Variants in JAK3 observed in about 807,000 individuals in gnomAD.
JAK3 encodes Janus kinase 3.
Under a neutral mutation model 120.8 loss-of-function variants are expected in JAK3, and 88 were observed. The observed-to-expected ratio is 0.73, with a 90% CI of 0.61 to 0.87. JAK3 has a LOEUF of 0.87. Among genes scored for constraint, JAK3 ranks in the 40% least tolerant of loss-of-function variants. JAK3 has a pLI of 0.00. For missense variants in JAK3, 1,254 were observed against 1,501.4 expected (o/e 0.84, Z 2.72); for synonymous variants, 592 against 628.6 (o/e 0.94, Z 0.87).
Position 17,837,974 on chromosome 19 carries a change from C to T in JAK3, c.1659G>A (p.Val553=), listed in dbSNP as rs892899268. The T allele has an allele frequency of 1.2e-6, 2 of 1,614,064 alleles. No individual in the cohort carries two copies. The highest frequency in any genetic ancestry group is 1.7e-5 in the Admixed American group (1 of 59,994). ...GCTTGGCATCCATGACCTTCAGCAG[C>T]ACCTCTGTCTTTCGGGCCTCCCCAT... is the stretch of plus-strand genomic sequence containing the variant. The part of the protein sequence containing the change: ...VVDGEARKTE[V]LLKVMDAKHK... The change falls in exon 12 of 24, where the codon GTG becomes GTA. Residue 553 remains valine (V), a synonymous_variant. Transcript: ENST00000458235.
Position 17,842,277 on chromosome 19 carries a change from C to T in JAK3, c.861+39G>A. ...CTCCGGCCCCTCCCCGAGCCCCGCC[C>T]CCACGTTGGCCCCGCCCAGCGGGGG... On this transcript the variant is annotated intron_variant, in intron 6 of 23. Coordinates refer to ENST00000458235, the MANE Select transcript of JAK3 (RefSeq NM_000215.4). The surrounding 1 kb of genome is among the most constrained non-coding windows in gnomAD (Gnocchi z 6.4). 1 of 1,499,664 alleles carries T rather than the reference C, an allele frequency of 6.7e-7. No individual in the cohort carries two copies. The highest frequency in any genetic ancestry group is 1.3e-5 in the South Asian group (1 of 76,394). The allele number at this position is 1,499,664 out of a possible 1,614,324, so 92.9% of individuals were successfully genotyped here.
intron 16 of JAK3, 35 bp downstream of exon 16, chr19:17,834,817 G>C (rs1460790413): frequency 6.2e-7 from 1 of 1,613,676 alleles, no homozygotes; most frequent in East Asian, 2.2e-5. Context: ...TCAAAGTGGG[G>C]GTTCGGAGAC....
At position 17,846,774 on chromosome 19, in the gene JAK3, G is replaced by A. The variant is rs553135003; in HGVS notation, c.-14+1172C>T. Among the ~76,000 whole-genome samples, 5 of 152,188 alleles carry A rather than the reference G, an allele frequency of 3.3e-5. No individual in the cohort carries two copies. The East Asian group carries it at 9.7e-4, about 29-fold the overall frequency. On this transcript the variant is annotated intron_variant, in intron 1 of 23. Coordinates refer to ENST00000458235, the MANE Select transcript of JAK3 (RefSeq NM_000215.4). ...TAATTTTTGTATTTTTAGTAGAGACGGAGTTTCACCATGTTGGCCAGGCTG... is the reference window on the plus strand; with the variant it reads ...TAATTTTTGTATTTTTAGTAGAGACAGAGTTTCACCATGTTGGCCAGGCTG...
rs1290770952 is a variant in JAK3 at position 17,835,164 on chromosome 19, C to T, written c.1966G>A (p.Ala656Thr). The change falls in exon 15 of 24, where the codon GCT becomes ACT. Residue 656 changes from alanine to threonine, a missense_variant. Ala to Thr is a moderately conservative substitution (Grantham distance 58, BLOSUM62 0). This residue lies in a region of JAK3 where 630 missense variants were observed against 819.8 expected (regional missense o/e 0.77). Transcript: ENST00000458235. ...GNVSARKVLLAREGADGSPPF... is the reference protein window; with the variant it reads ...GNVSARKVLLTREGADGSPPF... Reference sequence around the variant, plus strand: ...GGGCTCCCATCAGCCCCCTCCCGAGCCAGGAGCACCTTCCGGGCAGAGACA... The same window carrying T: ...GGGCTCCCATCAGCCCCCTCCCGAGTCAGGAGCACCTTCCGGGCAGAGACA... 6.2e-7 allele frequency: 1 copy of T among 1,614,242 alleles called. No homozygotes were observed. Among genetic ancestry groups the T allele is most frequent in the Admixed American group, 1.7e-5 (1 of 60,032 alleles).
intron 17 of JAK3, among the ~76,000 whole-genome samples, chr19:17,833,989 G>A (rs917958959): frequency 6.6e-5 from 10 of 152,060 alleles, no homozygotes; most frequent in Admixed American, 4.6e-4. Context: ...GGGCTCAAGC[G>A]ATCCACCTAC....
chr19:17,838,269 C>T lies in JAK3; in HGVS notation c.1563G>A (p.Leu521=), dbSNP rs924907305. 6.2e-7 allele frequency: 1 copy of T among 1,614,128 alleles called. No homozygotes were observed. The highest frequency in any genetic ancestry group is 8.5e-7 in the Non-Finnish European group (1 of 1,180,040). ...MTFHKIPADS[L]EWHENLGHGS... is the part of the protein sequence containing the mutation. Reference sequence around the variant, plus strand: ...ATTTCCCAGGGCCTCTTACCCACTCCAGGCTGTCAGCAGGGATCTTGTGAA... The same window carrying T: ...ATTTCCCAGGGCCTCTTACCCACTCTAGGCTGTCAGCAGGGATCTTGTGAA... The change falls in exon 11 of 24, where the codon CTG becomes CTA. Residue 521 remains leucine, a synonymous_variant. Coordinates refer to ENST00000458235, the MANE Select transcript of JAK3 (RefSeq NM_000215.4).
rs929472774 is a variant in JAK3, at chr19:17,832,339, G to C, written c.2680+180C>G. Among the ~76,000 whole-genome samples the C allele has an allele frequency of 6.6e-6, 1 of 152,156 alleles. No homozygotes were observed. Among genetic ancestry groups the C allele is most frequent in the Non-Finnish European group, 1.5e-5 (1 of 68,020 alleles). ...TTTCAGCTGGAGAAACTGAGGCTCA[G>C]AAAAGTTAAGGTTTCACAACTGGTA... is the stretch of plus-strand genomic sequence containing the variant. On this transcript the variant is annotated intron_variant, in intron 19 of 23. Coordinates refer to ENST00000458235, the MANE Select transcript of JAK3 (RefSeq NM_000215.4). This position sits in a 1 kb window ranked among gnomAD's most constrained non-coding sequence, Gnocchi z 4.7.
At chr19:17,828,557 G>A (rs2094208323) in intron 23 of JAK3, among the ~76,000 whole-genome samples, 1 of 149,888 alleles carries the variant, frequency 6.7e-6, no homozygotes, top group African/African-American at 2.5e-5. Context: ...ACCGGCTATT[G>A]CTTGTATTGT....
At chr19:17,847,364 A>G (rs2094254459) in intron 1 of JAK3, among the ~76,000 whole-genome samples, 1 of 152,142 alleles carries the variant, frequency 6.6e-6, no homozygotes, top group Non-Finnish European at 1.5e-5. Flanking sequence ...TTAACAGAAT[A>G]TTATTATTCT....
At position 17,842,676 on chromosome 19, in the gene JAK3, C is replaced by T; in HGVS notation, c.567-66G>A. 1 of 1,445,738 alleles carries T rather than the reference C, an allele frequency of 6.9e-7. No homozygotes were observed. The highest frequency in any genetic ancestry group is 9.2e-7 in the Non-Finnish European group (1 of 1,084,864). 89.6% of individuals were successfully genotyped at this position (1,445,738 alleles called of 1,614,324 possible). A position where few individuals can be genotyped will look rare whatever the true frequency, so the allele number is the denominator to read the frequency against. On this transcript the variant is annotated intron_variant, in intron 5 of 23. Coordinates refer to ENST00000458235, the MANE Select transcript of JAK3 (RefSeq NM_000215.4). This position sits in a 1 kb window ranked among gnomAD's most constrained non-coding sequence, Gnocchi z 6.4. ...GGAGGGGTCCCCGCGGGGACACACA[C>T]AAACCCAGGCTTTAGCCCAGGGGCT... is the stretch of plus-strand genomic sequence containing the variant.
intron 13 of JAK3, chr19:17,836,628 T>G: frequency 2.5e-6 from 1 of 393,092 alleles, no homozygotes; most frequent in Admixed American, 4.1e-5. Flanking sequence ...AGAACACCCC[T>G]CTTCCTTTCC....
chr19:17,846,644 G>A (rs1410301447), intron 1 of JAK3, among the ~76,000 whole-genome samples: 4 of 152,196 alleles, frequency 2.6e-5, no homozygotes, highest in South Asian at 4.1e-4. Flanking sequence ...GAGTGCAGTC[G>A]CACGATCTTG....
At chr19:17,840,451 C>T in intron 8 of JAK3, 110 bp from the exon 9 acceptor site, 1 of 737,104 alleles carries the variant, frequency 1.4e-6, no homozygotes, top group East Asian at 2.7e-5. Context: ...TGCCAGGTGA[C>T]ACCCTCCCCC....
chr19:17,827,766 G>A (rs1350530064), intron 23 of JAK3, among the ~76,000 whole-genome samples: 2 of 127,196 alleles, frequency 1.6e-5, no homozygotes, highest in African/African-American at 6.3e-5. Flanking sequence ...AAAATTACAG[G>A]TGGCGTGTGC....
chr19:17,827,738 A>T (rs1314847981), intron 23 of JAK3, among the ~76,000 whole-genome samples: 2 of 42,504 alleles, frequency 4.7e-5, no homozygotes, highest in Admixed American at 2.4e-4. Flanking sequence ...AAAAAAAAAA[A>T]AAAAAAAAAA....
At chr19:17,840,114 G>T in intron 9 of JAK3, 116 bp downstream of exon 9, 1 of 740,242 alleles carries the variant, frequency 1.4e-6, no homozygotes. Flanking sequence ...GTTCACCGGG[G>T]GTGTCTTTTC....
At chr19:17,834,777 C>A (rs968215333) in intron 16 of JAK3, 56 bp from the exon 17 acceptor site, 2 of 1,613,664 alleles carry the variant, frequency 1.2e-6, no homozygotes, top group Admixed American at 1.7e-5. Context: ...ACCCCAATCT[C>A]CCCAGACTGG....
At chr19:17,835,238 A>G in intron 14 of JAK3, 23 bp from the exon 15 acceptor site, 1 of 1,611,982 alleles carries the variant, frequency 6.2e-7, no homozygotes, top group South Asian at 1.1e-5. Context: ...GACACAGGAA[A>G]ATGCCCGGGA....
chr19:17,843,147 C>G lies in JAK3; in HGVS notation c.446G>C (p.Arg149Pro), dbSNP rs774941503. ...CTTGAGACTGAGGCCCACGGGGAGG[C>G]GCCCACTCACCAGGTCACTGCGGTG... ...AQHRSDLVSG[R>P]LPVGLSLKEQ... The change falls in exon 5 of 24, where the codon CGC becomes CCC. Residue 149 changes from arginine to proline, a missense_variant. By Grantham distance (103) the Arg-to-Pro change is moderately radical. Around this residue, in one of 3 missense-constraint regions of JAK3, gnomAD observed 486 missense variants for 503.0 expected, o/e 0.97. Transcript: ENST00000458235. The surrounding 1 kb of genome is among the most constrained non-coding windows in gnomAD (Gnocchi z 5.4). 6.2e-7 allele frequency: 1 copy of G among 1,607,196 alleles called. No homozygotes were observed. Among genetic ancestry groups the G allele is most frequent in the Non-Finnish European group, 8.5e-7 (1 of 1,179,370 alleles).
Sources: gnomAD v4.1 joint callset for allele counts (sites outside exome capture counted in the v4.1 genomes callset) on GRCh38, gnomAD v4.1.1 for gene constraint, gnomAD v4.1.1 regional missense constraint, Gnocchi (gnomAD v3.1) non-coding constraint, MANE v1.5 for transcripts, NCBI Gene and HGNC (gene_info 2026-07-23, HGNC 2026-07-21) for gene names.